The following LRP1B variants were observed in gnomAD, a reference collection of about 807,000 sequenced individuals.
LRP1B encodes LDL receptor related protein 1B, also known as low-density lipoprotein receptor-related protein 1B.
A neutral mutation model predicts 556.6 loss-of-function variants in LRP1B; 217 were observed. The observed-to-expected ratio is 0.39, with a 90% confidence interval of 0.35 to 0.44. The LOEUF (loss-of-function observed/expected upper bound fraction) is 0.44. Ranked by LOEUF, LRP1B falls within the 20% of genes least tolerant of loss-of-function variation. The pLI is 1.00. For synonymous variants in LRP1B, 2,047 were observed against 1,865.8 expected, an observed-to-expected ratio of 1.10 and a Z score of -2.50; for missense variants, 5,053 against 5,620.8, an observed-to-expected ratio of 0.90 and a Z score of 3.23.
At chr2:141,991,212 A>C (rs961269253) in intron 1 of LRP1B, among the ~76,000 whole-genome samples, 1 of 152,058 alleles carries the variant, frequency 6.6e-6, no homozygotes, top group African/African-American at 2.4e-5. Context: ...TTTGTAACAC[A>C]AACATTTGTT....
intron 3 of LRP1B, among the ~76,000 whole-genome samples, chr2:141,354,894 A>T (rs1238846195): frequency 6.6e-6 from 1 of 152,142 alleles, no homozygotes; most frequent in Non-Finnish European, 1.5e-5. Flanking sequence ...AGTACTAGAA[A>T]TTAAATTGGC....
At chr2:140,777,493 C>A (rs1470871210) in intron 32 of LRP1B, among the ~76,000 whole-genome samples, 1 of 152,118 alleles carries the variant, frequency 6.6e-6, no homozygotes, top group East Asian at 1.9e-4. Context: ...GCAGAACTCC[C>A]CTCAAGGAAG....
chr2:140,286,408 A>G (rs540795973), intron 84 of LRP1B, among the ~76,000 whole-genome samples: 102 of 151,954 alleles, frequency 6.7e-4, no homozygotes, highest in African/African-American at 2.2e-3. Flanking sequence ...TCAAGTGCCA[A>G]TGAGAGAGCC....
intron 3 of LRP1B, among the ~76,000 whole-genome samples, chr2:141,416,333 G>T (rs746158210): frequency 5.9e-5 from 9 of 151,612 alleles, no homozygotes; most frequent in Non-Finnish European, 1.3e-4. Flanking sequence ...TCTATAAAAT[G>T]ACAAAAATAA....
chr2:141,770,369 C>T (rs947289827), intron 2 of LRP1B, among the ~76,000 whole-genome samples: 4 of 152,144 alleles, frequency 2.6e-5, no homozygotes, highest in Non-Finnish European at 4.4e-5. Flanking sequence ...CATTATATCA[C>T]ATCAAAGCTG....
chr2:141,400,436 T>C (rs1690408274), intron 3 of LRP1B, among the ~76,000 whole-genome samples: 1 of 152,226 alleles, frequency 6.6e-6, no homozygotes, highest in Non-Finnish European at 1.5e-5. Flanking sequence ...TAGACATTTT[T>C]GAAAACTAAA....
chr2:140,673,922 A>AAAAG (rs1372397447), intron 41 of LRP1B, among the ~76,000 whole-genome samples: 4 of 151,442 alleles, frequency 2.6e-5, no homozygotes, highest in Non-Finnish European at 2.9e-5. Context: ...TTTTACCCCG[A>AAAAG]AATATATCTC....
chr2:140,673,685 C>T (rs761264766), intron 41 of LRP1B, among the ~76,000 whole-genome samples: 2 of 152,064 alleles, frequency 1.3e-5, no homozygotes, highest in Non-Finnish European at 2.9e-5. Flanking sequence ...GATTCTAAGC[C>T]GTGAACCAAA....
intron 6 of LRP1B, among the ~76,000 whole-genome samples, chr2:141,194,064 C>A (rs1681641116): frequency 1.3e-5 from 2 of 152,046 alleles, no homozygotes; most frequent in South Asian, 4.1e-4. Context: ...TTGTCCAGTA[C>A]AATATTGACT....
intron 66 of LRP1B, among the ~76,000 whole-genome samples, chr2:140,415,655 C>T (rs185743932): frequency 2.6e-4 from 40 of 152,244 alleles, no homozygotes; most frequent in African/African-American, 9.1e-4. Flanking sequence ...AAGTGGAATG[C>T]GTCCATTCCT....
At chr2:141,586,049 C>T (rs945042127) in intron 2 of LRP1B, among the ~76,000 whole-genome samples, 1 of 152,038 alleles carries the variant, frequency 6.6e-6, no homozygotes, top group African/African-American at 2.4e-5. Flanking sequence ...GGCTTTGATG[C>T]AACATAAAAT....
intron 3 of LRP1B, 86 bp from the exon 4 acceptor site, chr2:141,254,727 A>G: frequency 9.6e-7 from 1 of 1,039,664 alleles, no homozygotes; most frequent in Non-Finnish European, 1.3e-6. Flanking sequence ...CTTACACTAT[A>G]GTCTTGATTG....
intron 2 of LRP1B, among the ~76,000 whole-genome samples, chr2:141,757,707 A>C (rs1042329307): frequency 6.6e-6 from 1 of 151,202 alleles, no homozygotes; most frequent in Non-Finnish European, 1.5e-5. Flanking sequence ...CTAATTTTTA[A>C]TTTTTTTTTA....
At chr2:141,977,052 G>A (rs932585448) in intron 1 of LRP1B, among the ~76,000 whole-genome samples, 1 of 152,028 alleles carries the variant, frequency 6.6e-6, no homozygotes, top group Non-Finnish European at 1.5e-5. Flanking sequence ...TGGAGTCTCC[G>A]AATGACTTGG....
rs572299377 is a variant in LRP1B, at chr2:140,408,160, GGACT to G, written c.10415-22155_10415-22152del. ...ACAAAGACATGCAGAATGATATAAT[GGACT>G]TTGAGGATTTACAGGCGATGTGGGA... On this transcript the variant is annotated intron_variant, in intron 66 of 90. Coordinates refer to ENST00000389484, the MANE Select transcript of LRP1B (RefSeq NM_018557.3). Among the ~76,000 whole-genome samples, 6 of 151,924 alleles carry G rather than the reference GGACT, an allele frequency of 3.9e-5. No individual in the cohort carries two copies. In the East Asian group the frequency reaches 1.2e-3, roughly 29 times the overall value.
chr2:141,252,075 C>G (rs10496875), intron 4 of LRP1B, among the ~76,000 whole-genome samples: 21,045 of 151,842 alleles, frequency 0.14, 1,512 homozygotes, highest in South Asian at 0.22. Flanking sequence ...CCTGAGTTCC[C>G]TTGTCTCTCA....
intron 5 of LRP1B, among the ~76,000 whole-genome samples, chr2:141,246,507 T>C (rs1483374032): frequency 2.0e-5 from 3 of 152,054 alleles, no homozygotes; most frequent in Non-Finnish European, 2.9e-5. Context: ...ATTTGGTTTA[T>C]GTTTTAGTAG....
chr2:141,490,021 T>C (rs960581922), intron 2 of LRP1B, among the ~76,000 whole-genome samples: 1 of 152,088 alleles, frequency 6.6e-6, no homozygotes, highest in African/African-American at 2.4e-5. Context: ...GATGTAAAGG[T>C]GATTGATTTT....
At chr2:141,041,140 T>C (rs1178399594) in intron 11 of LRP1B, among the ~76,000 whole-genome samples, 1 of 152,058 alleles carries the variant, frequency 6.6e-6, no homozygotes, top group Admixed American at 6.6e-5. Flanking sequence ...CTTCTGATAT[T>C]ATCAGGTGGA....
Sources: allele counts gnomAD v4.1 joint callset (sites outside exome capture counted in the v4.1 genomes callset), GRCh38; gene constraint gnomAD v4.1.1; transcripts MANE v1.5; gene names NCBI Gene and HGNC (gene_info 2026-07-23, HGNC 2026-07-21).